The following TRAPPC8 variants were observed in gnomAD, a reference collection of about 807,000 sequenced individuals.
TRAPPC8 encodes trafficking protein particle complex subunit 8.
A neutral mutation model predicts 174.3 loss-of-function variants in TRAPPC8; 54 were observed. The ratio of observed to expected loss-of-function variants is 0.31; its 90% CI spans 0.25 to 0.39. The LOEUF (loss-of-function observed/expected upper bound fraction) is 0.39, where lower values mean the gene tolerates loss of function less well. Among genes scored for constraint, TRAPPC8 ranks in the 10% least tolerant of loss-of-function variants. The pLI is 1.00. For missense variants in TRAPPC8, 1,531 were observed against 1,699.1 expected (o/e 0.90, Z 1.74); for synonymous variants, 630 against 579.9 (o/e 1.09, Z -1.24).
chr18:31,850,691 T>C (rs2033662178), intron 24 of TRAPPC8, among the ~76,000 whole-genome samples: 1 of 152,220 alleles, frequency 6.6e-6, no homozygotes, highest in Admixed American at 6.5e-5. Flanking sequence ...TTTCTCCTTA[T>C]GAGCGAACTT....
At chr18:31,879,175 T>G (rs1301380148) in intron 12 of TRAPPC8, among the ~76,000 whole-genome samples, 1 of 152,160 alleles carries the variant, frequency 6.6e-6, no homozygotes, top group Non-Finnish European at 1.5e-5. Flanking sequence ...AGGATATACA[T>G]TTTTCTTATC....
At chr18:31,843,410 AT>A (rs2033214790) in intron 26 of TRAPPC8, among the ~76,000 whole-genome samples, 1 of 152,188 alleles carries the variant, frequency 6.6e-6, no homozygotes, top group Admixed American at 6.5e-5. Flanking sequence ...AAGGAAATAG[AT>A]TTTGTTGTTA....
chr18:31,884,854 G>GTTTT (rs778327825), intron 12 of TRAPPC8, among the ~76,000 whole-genome samples: 2 of 139,150 alleles, frequency 1.4e-5, no homozygotes, highest in Non-Finnish European at 3.1e-5. Flanking sequence ...AAAAAATTAA[G>GTTTT]TTTTTTTTTT....
At chr18:31,846,379 G>C (rs2145013514) in intron 26 of TRAPPC8, among the ~76,000 whole-genome samples, 1 of 152,050 alleles carries the variant, frequency 6.6e-6, no homozygotes, top group Admixed American at 6.5e-5. Flanking sequence ...TTCAAGACCA[G>C]CCTGGGCAAC....
chr18:31,850,741 T>A (rs150358567), intron 24 of TRAPPC8, among the ~76,000 whole-genome samples: 3 of 152,198 alleles, frequency 2.0e-5, no homozygotes, highest in Non-Finnish European at 4.4e-5. Flanking sequence ...CATTAATCTG[T>A]AGTGCTTGGC....
intron 2 of TRAPPC8, among the ~76,000 whole-genome samples, chr18:31,921,863 C>T (rs943230912): frequency 3.9e-5 from 6 of 152,066 alleles, no homozygotes; most frequent in Non-Finnish European, 7.3e-5. Flanking sequence ...AGGGGAAATT[C>T]AATATGTTTA....
rs369947292 is a variant in TRAPPC8, at chr18:31,840,890, G to A, written c.3838-1433C>T. On this transcript the variant is annotated intron_variant, in intron 26 of 28. Coordinates refer to ENST00000283351, the MANE Select transcript of TRAPPC8 (RefSeq NM_014939.5). ...AACAAATTAACCATATTATATTCAA[G>A]TAACACCCTGGGGCTACTGGTAAAA... is the stretch of plus-strand genomic sequence containing the variant. Among the ~76,000 whole-genome samples the A allele has an allele frequency of 4.3e-4, 65 of 150,766 alleles. 1 individual carries two copies. Among genetic ancestry groups the A allele is most frequent in the African/African-American group, 1.5e-3 (62 of 41,010 alleles).
chr18:31,942,104 A>G (rs961351117), intron 1 of TRAPPC8, among the ~76,000 whole-genome samples: 1 of 152,216 alleles, frequency 6.6e-6, no homozygotes, highest in Non-Finnish European at 1.5e-5. Context: ...ATATTAGTAA[A>G]ACAGCTACAC....
At chr18:31,831,447 AC>A (rs2032363505) in intron 28 of TRAPPC8, among the ~76,000 whole-genome samples, 1 of 152,242 alleles carries the variant, frequency 6.6e-6, no homozygotes, top group Non-Finnish European at 1.5e-5. Context: ...CATTACTATA[AC>A]AGCTAACATT....
At position 31,868,682 on chromosome 18, in the gene TRAPPC8, A is replaced by AT. The variant is rs577473072; in HGVS notation, c.2389-1207dup. Among the ~76,000 whole-genome samples, 514 of 151,422 alleles carry AT rather than the reference A, an allele frequency of 3.4e-3. 2 individuals carry two copies. Among genetic ancestry groups the AT allele is most frequent in the Middle Eastern group, 6.8e-3 (2 of 294 alleles). The stretch of plus-strand genomic sequence containing the variant: ...GCAAGACTTATTTATTTATTTATTT[A>AT]TTTTTTATTGTTTGTTTACTTGTTT... On this transcript the variant is annotated intron_variant, in intron 16 of 28. Transcript: ENST00000283351.
chr18:31,911,001 A>G (rs1168117053), intron 5 of TRAPPC8, among the ~76,000 whole-genome samples: 1 of 152,224 alleles, frequency 6.6e-6, no homozygotes, highest in African/African-American at 2.4e-5. Context: ...GAACGTCAGT[A>G]ATCACCTCAA....
At chr18:31,928,015 G>A (rs984373819) in intron 2 of TRAPPC8, among the ~76,000 whole-genome samples, 5 of 151,820 alleles carry the variant, frequency 3.3e-5, no homozygotes, top group African/African-American at 1.2e-4. Context: ...AATTAGCCGG[G>A]TGTGGTGGTG....
At chr18:31,859,099 CAA>C (rs1446202217) in intron 19 of TRAPPC8, among the ~76,000 whole-genome samples, 39 of 64,018 alleles carry the variant, frequency 6.1e-4, no homozygotes, top group African/African-American at 2.6e-3. Context: ...TCTCAAAAAA[CAA>C]ACAAACAAAC....
chr18:31,888,961 C>A (rs1285875827), intron 12 of TRAPPC8, among the ~76,000 whole-genome samples: 2 of 152,052 alleles, frequency 1.3e-5, no homozygotes, highest in Non-Finnish European at 2.9e-5. Context: ...TCAGAAACAA[C>A]TAGGCCTCAA....
intron 1 of TRAPPC8, among the ~76,000 whole-genome samples, chr18:31,940,554 TTTGG>T (rs1184454350): frequency 8.0e-6 from 1 of 125,344 alleles, no homozygotes; most frequent in African/African-American, 2.9e-5. Context: ...TTGTTGTTTG[TTTGG>T]TTGGTTTTGA....
Position 31,906,649 on chromosome 18 carries a change from C to T in TRAPPC8, c.1389+811G>A, listed in dbSNP as rs767923408. On this transcript the variant is annotated intron_variant, in intron 9 of 28. Coordinates refer to ENST00000283351, the MANE Select transcript of TRAPPC8 (RefSeq NM_014939.5). ...TTTTCTGAACACATAAAGCAGATTA[C>T]ACATATATCTGTGGTAACTTTTCAA... Among the ~76,000 whole-genome samples, 82 of 152,234 alleles carry T rather than the reference C, an allele frequency of 5.4e-4. 1 individual carries two copies. The highest frequency in any genetic ancestry group is 4.8e-3 in the Admixed American group (73 of 15,286).
intron 1 of TRAPPC8, among the ~76,000 whole-genome samples, chr18:31,942,164 C>G (rs571730837): frequency 1.5e-4 from 23 of 152,326 alleles, no homozygotes; most frequent in African/African-American, 5.3e-4. Context: ...GTAATAACAT[C>G]CACAACTACT....
At chr18:31,912,561 T>C (rs2036959723) in intron 5 of TRAPPC8, among the ~76,000 whole-genome samples, 1 of 151,960 alleles carries the variant, frequency 6.6e-6, no homozygotes, top group Non-Finnish European at 1.5e-5. Flanking sequence ...CTCAGGAGGC[T>C]GAGACAGGAG....
intron 2 of TRAPPC8, among the ~76,000 whole-genome samples, chr18:31,928,910 G>C (rs1443382814): frequency 2.0e-5 from 3 of 152,160 alleles, no homozygotes; most frequent in Admixed American, 2.0e-4. Context: ...GCCAGGAGTG[G>C]TGGCTCACGC....
Sources: gnomAD v4.1 joint callset for allele counts (sites outside exome capture counted in the v4.1 genomes callset) on GRCh38, gnomAD v4.1.1 for gene constraint, MANE v1.5 for transcripts, NCBI Gene and HGNC (gene_info 2026-07-23, HGNC 2026-07-21) for gene names.